ZNF112: variants seen among roughly 807,000 people sequenced by gnomAD.
ZNF112 encodes zinc finger protein 112 (Y14).
ZNF112 carries 37 observed loss-of-function variants against 77.7 expected under a neutral mutation model. The observed-to-expected ratio is 0.48, with a 90% CI of 0.37 to 0.63. The LOEUF is 0.63. ZNF112 is among the 20% of genes least tolerant of loss of function. The pLI is 0.00. For synonymous variants in ZNF112, 333 were observed against 363.6 expected (o/e 0.92, Z 0.96); for missense variants, 950 against 1,077.4 (o/e 0.88, Z 1.66).
chr19:44,339,603 C>A (rs766552787), intron 2 of ZNF112, among the ~76,000 whole-genome samples: 14 of 152,204 alleles, frequency 9.2e-5, no homozygotes, highest in Non-Finnish European at 1.6e-4. Context: ...ATCTGGAACG[C>A]TCCTGGACTC....
At chr19:44,343,193 T>G (rs376952640) in intron 1 of ZNF112, 1 of 1,583,458 alleles carries the variant, frequency 6.3e-7, no homozygotes, top group South Asian at 1.1e-5. Flanking sequence ...GGGAAAAAGA[T>G]ATGTCCACTC....
chr19:44,344,464 T>C (rs1020891215), intron 1 of ZNF112, among the ~76,000 whole-genome samples: 4 of 152,150 alleles, frequency 2.6e-5, no homozygotes, highest in South Asian at 2.1e-4. Flanking sequence ...ACTACTCCAG[T>C]AGGCACCTGC....
At chr19:44,335,729 G>A (rs934625610) in intron 3 of ZNF112, among the ~76,000 whole-genome samples, 1 of 152,182 alleles carries the variant, frequency 6.6e-6, no homozygotes, top group African/African-American at 2.4e-5. Context: ...CTACTCTCAA[G>A]GGTACCATGT....
At chr19:44,337,228 T>A (rs908669414) in intron 2 of ZNF112, among the ~76,000 whole-genome samples, 1 of 143,240 alleles carries the variant, frequency 7.0e-6, no homozygotes, top group Non-Finnish European at 1.5e-5. Flanking sequence ...AGTATATATA[T>A]AAAATATATA....
chr19:44,347,704 T>C (rs976044263), intron 1 of ZNF112, among the ~76,000 whole-genome samples: 1 of 152,048 alleles, frequency 6.6e-6, no homozygotes, highest in Non-Finnish European at 1.5e-5. Flanking sequence ...TTCATTTGTA[T>C]ATACTACTCT....
intron 1 of ZNF112, among the ~76,000 whole-genome samples, chr19:44,362,205 A>AGGAGGAGAAGAAGAT (rs1970861489): frequency 1.3e-5 from 2 of 152,128 alleles, no homozygotes; most frequent in Non-Finnish European, 2.9e-5. Context: ...TCATATTGGA[A>AGGAGGAGAAGAAGAT]GGAGGAGAAG....
In ZNF112 at chr19:44,329,295, C is replaced by T. The variant is rs780234891; in HGVS notation, c.862G>A (p.Gly288Ser). Reference sequence around the variant, plus strand: ...TGAAGAAGTGAACTATAATTACAGCCCTTTCCACATGAACTGTATGTATAG... The same window carrying T: ...TGAAGAAGTGAACTATAATTACAGCTCTTTCCACATGAACTGTATGTATAG... The part of the protein sequence containing the change: ...KPYTYSSCGK[G>S]CNYSSLLHIH... Residue 288 changes from glycine to serine, a missense_variant, in exon 4 of 4, where the codon GGC becomes AGC. Around this residue, in one of 3 missense-constraint regions of ZNF112, gnomAD observed 560 missense variants for 557.3 expected, o/e 1.00. Transcript: ENST00000354340. 2 of 1,613,982 alleles carry T rather than the reference C, an allele frequency of 1.2e-6. No individual in the cohort carries two copies. Among genetic ancestry groups the T allele is most frequent in the South Asian group, 1.1e-5 (1 of 91,074 alleles).
intron 2 of ZNF112, among the ~76,000 whole-genome samples, chr19:44,337,315 T>A (rs1970388823): frequency 9.5e-6 from 1 of 105,588 alleles, no homozygotes; most frequent in Non-Finnish European, 1.8e-5. Flanking sequence ...ATATATTTTG[T>A]ATATGTATAA....
chr19:44,359,458 G>A (rs1484925710), upstream of ZNF112, among the ~76,000 whole-genome samples: 1 of 151,182 alleles, frequency 6.6e-6, no homozygotes, highest in Non-Finnish European at 1.5e-5. Flanking sequence ...CGAGTAGCTG[G>A]GATTACAGGC....
upstream of ZNF112, among the ~76,000 whole-genome samples, chr19:44,357,977 C>A (rs543817217): frequency 1.3e-5 from 2 of 151,888 alleles, no homozygotes; most frequent in African/African-American, 4.8e-5. Context: ...ATGGTGAAAC[C>A]CCGTCTCTAC....
upstream of ZNF112, among the ~76,000 whole-genome samples, chr19:44,360,914 A>G (rs1266715785): frequency 6.6e-6 from 1 of 152,088 alleles, no homozygotes; most frequent in East Asian, 1.9e-4. Context: ...TGTTCATAGC[A>G]GGATCATTCA....
chr19:44,339,098 T>TA (rs1360510842), intron 2 of ZNF112, among the ~76,000 whole-genome samples: 4 of 152,130 alleles, frequency 2.6e-5, no homozygotes, highest in African/African-American at 9.7e-5. Flanking sequence ...GCTTTATGGA[T>TA]AAAATCACAG....
At chr19:44,336,176 G>A (rs1970361666) in intron 3 of ZNF112, among the ~76,000 whole-genome samples, 1 of 152,202 alleles carries the variant, frequency 6.6e-6, no homozygotes, top group Non-Finnish European at 1.5e-5. Context: ...GGACAGCTAA[G>A]CAGTTAAAAC....
intron 1 of ZNF112, among the ~76,000 whole-genome samples, chr19:44,342,249 G>C (rs548950372): frequency 6.6e-6 from 1 of 151,606 alleles, no homozygotes; most frequent in East Asian, 1.9e-4. Flanking sequence ...TCTTATATAA[G>C]AATCTAGCTC....
At chr19:44,335,691 T>C (rs1970352944) in intron 3 of ZNF112, among the ~76,000 whole-genome samples, 1 of 152,210 alleles carries the variant, frequency 6.6e-6, no homozygotes, top group South Asian at 2.1e-4. Flanking sequence ...TATTTACTAC[T>C]TGGACCTTTA....
chr19:44,352,289 T>C (rs111299501), intron 1 of ZNF112, among the ~76,000 whole-genome samples: 11 of 152,152 alleles, frequency 7.2e-5, no homozygotes, highest in African/African-American at 2.7e-4. Flanking sequence ...CTACAGGTAC[T>C]TGTCAAACTT....
chr19:44,359,473 G>A (rs550027498), upstream of ZNF112, among the ~76,000 whole-genome samples: 8 of 151,772 alleles, frequency 5.3e-5, no homozygotes, highest in East Asian at 3.9e-4. Flanking sequence ...ACAGGCATGC[G>A]CCACCACGCC....
chr19:44,332,956 C>T (rs1283899039), intron 3 of ZNF112, among the ~76,000 whole-genome samples: 1 of 152,166 alleles, frequency 6.6e-6, no homozygotes, highest in Non-Finnish European at 1.5e-5. Context: ...CATTTAAGTT[C>T]TATTTCAATA....
intron 1 of ZNF112, among the ~76,000 whole-genome samples, chr19:44,349,894 AAATTT>A (rs1343996900): frequency 6.6e-6 from 1 of 152,042 alleles, no homozygotes; most frequent in Non-Finnish European, 1.5e-5. Context: ...TGATTCTGAT[AAATTT>A]ATTTGGCTCT....
Sources: allele counts gnomAD v4.1 joint callset (sites outside exome capture counted in the v4.1 genomes callset), GRCh38; gene constraint gnomAD v4.1.1; regional missense constraint gnomAD v4.1.1; transcripts MANE v1.5; gene names NCBI Gene and HGNC (gene_info 2026-07-23, HGNC 2026-07-21).